The following CDH16 variants were observed in gnomAD, a reference collection of about 807,000 sequenced individuals.
CDH16 encodes the protein cadherin 16.
CDH16 carries 79 observed loss-of-function variants against 87.6 expected under a neutral mutation model. The observed-to-expected ratio is 0.90, with a 90% confidence interval of 0.75 to 1.09. The LOEUF (loss-of-function observed/expected upper bound fraction) is 1.09. CDH16 is among the 50% of genes least tolerant of loss of function. The pLI is 0.00. For synonymous variants in CDH16, 457 were observed against 439.5 expected, an observed-to-expected ratio of 1.04 and a Z score of -0.50; for missense variants, 1,124 against 1,071.7, an observed-to-expected ratio of 1.05 and a Z score of -0.68.
rs1369548186 is a variant in CDH16, at chr16:66,909,552, T to A, written c.2276-169A>T. Among the ~76,000 whole-genome samples the A allele has an allele frequency of 6.6e-6, 1 of 152,160 alleles. No homozygotes were observed. Among genetic ancestry groups the A allele is most frequent in the Non-Finnish European group, 1.5e-5 (1 of 68,024 alleles). On this transcript the variant is annotated intron_variant, in intron 16 of 17. Transcript: ENST00000299752. The surrounding 1 kb of genome is among the most constrained non-coding windows in gnomAD (Gnocchi z 4.1). ...CAGGCGTGGTGGCTCACACCTGTAA[T>A]CCCAGCCCTTTGGGAGGCCGAAATG...
At chr16:66,913,916 G>A (rs904167936) in intron 7 of CDH16, among the ~76,000 whole-genome samples, 8 of 152,194 alleles carry the variant, frequency 5.3e-5, no homozygotes, top group Non-Finnish European at 1.0e-4. Flanking sequence ...TTCCTGGCCC[G>A]GGGTGACAAT....
At position 66,914,421 on chromosome 16, in the gene CDH16, G is replaced by A. The variant is rs72794251; in HGVS notation, c.584-9C>T. 8,081 of 1,606,216 alleles carry A rather than the reference G, an allele frequency of 5.0e-3. 36 individuals are homozygous for A. The highest frequency in any genetic ancestry group is 7.6e-3 in the Middle Eastern group (45 of 5,904). On this transcript the variant is annotated splice_polypyrimidine_tract_variant and intron_variant, in intron 6 of 17. Transcript: ENST00000299752. ...GTCAAGGCTGGTGCTCCCTAGAACA[G>A]GGAGGATGGTCAGCTGAGCAGGCAG...
intron 11 of CDH16, 26 bp from the exon 12 acceptor site, chr16:66,912,456 C>A: frequency 6.2e-7 from 1 of 1,613,800 alleles, no homozygotes; most frequent in Non-Finnish European, 8.5e-7. Flanking sequence ...GGATGGTGAG[C>A]CCCCCACCAG....
Position 66,911,207 on chromosome 16 carries a change from C to CA in CDH16, c.1898_1899insT (p.Val634GlyfsTer10), listed in dbSNP as rs745557002. On this transcript the variant is annotated frameshift_variant, in exon 14 of 18. Coordinates refer to ENST00000299752, the MANE Select transcript of CDH16 (RefSeq NM_004062.4). LOFTEE classifies it high-confidence loss of function. ...CTGTATCCTGGGCCTCCACAAGCAC[C>CA]GTGTAGGTGTCCCCAGGCTGGGCGC... 5.0e-6 allele frequency: 8 copies of CA among 1,613,326 alleles called. No homozygotes were observed. The South Asian group carries it at 8.8e-5, about 18-fold the overall frequency.
rs778399215 is a variant in CDH16, at chr16:66,910,272, G to A, written c.2155C>T (p.Gln719Ter). The change falls in exon 15 of 18, where the codon CAG becomes TAG. Residue 719 changes from glutamine (Q) to a stop codon, truncating the protein, a stop_gained. Transcript: ENST00000299752. LOFTEE classifies it high-confidence loss of function. ...CCCCACCACACACCATTGAGAGTCT[G>A]GAGGCGCCAATCCCGTTGCACCGTG... ...NPTVQRDWRL[Q>*]TLNGSHAYLT... The A allele has an allele frequency of 1.9e-6, 3 of 1,602,744 alleles. No homozygotes were observed. Among genetic ancestry groups the A allele is most frequent in the Admixed American group, 1.7e-5 (1 of 58,828 alleles).
intron 17 of CDH16, 67 bp from the exon 18 acceptor site, chr16:66,908,556 C>T: frequency 8.2e-7 from 1 of 1,221,828 alleles, no homozygotes; most frequent in South Asian, 1.2e-5. Context: ...TCACGAGGGA[C>T]TTCCTGTGAT....
intron 17 of CDH16, 26 bp from the exon 18 acceptor site, chr16:66,908,515 A>C (rs937542646): frequency 6.4e-7 from 1 of 1,551,196 alleles, no homozygotes; most frequent in Non-Finnish European, 8.9e-7. Flanking sequence ...GGGATGTATC[A>C]GGCCTCAGAA....
At chr16:66,918,352 T>A (rs1962781835) in intron 1 of CDH16, among the ~76,000 whole-genome samples, 1 of 152,096 alleles carries the variant, frequency 6.6e-6, no homozygotes, top group Non-Finnish European at 1.5e-5. Context: ...CACCATAGCC[T>A]CCCCAGGCCG....
intron 1 of CDH16, among the ~76,000 whole-genome samples, chr16:66,918,435 C>T (rs547460181): frequency 2.6e-5 from 4 of 152,382 alleles, no homozygotes; most frequent in Middle Eastern, 3.4e-3. Context: ...TTCCTGAAGA[C>T]TTGGAGGGTC....
chr16:66,908,345 CAGAT>C lies in CDH16; in HGVS notation c.*43_*46del, dbSNP rs766727414. 1 of 1,492,776 alleles carries C rather than the reference CAGAT, an allele frequency of 6.7e-7. No homozygotes were observed. The allele number at this position is 1,492,776 out of a possible 1,614,324, so 92.5% of individuals were successfully genotyped here. On this transcript the variant is annotated 3_prime_UTR_variant, in exon 18 of 18. Coordinates refer to ENST00000299752, the MANE Select transcript of CDH16 (RefSeq NM_004062.4). ...GTGCTGGGCTCTCTCCCAGGGGACTCAGATGGAGCCAGAGGCCAAGCTCCCAGCT... is the reference window on the plus strand; with the variant it reads ...GTGCTGGGCTCTCTCCCAGGGGACTCGGAGCCAGAGGCCAAGCTCCCAGCT...
At chr16:66,912,991 C>CATGT in intron 9 of CDH16, 100 bp from the exon 10 acceptor site, 1 of 1,113,034 alleles carries the variant, frequency 9.0e-7, no homozygotes, top group East Asian at 2.4e-5. Flanking sequence ...AATTTGAGCT[C>CATGT]GTGTGTGTGT....
At position 66,908,284 on chromosome 16, in the gene CDH16, G is replaced by A; in HGVS notation, c.*108C>T. Reference sequence around the variant, plus strand: ...GCCTCCACCCCAGGGCAGATGGAGGGGCTTCTACTCTGTCCTGTCCCCTGC... The same window carrying A: ...GCCTCCACCCCAGGGCAGATGGAGGAGCTTCTACTCTGTCCTGTCCCCTGC... On this transcript the variant is annotated 3_prime_UTR_variant, in exon 18 of 18. Transcript: ENST00000299752. The A allele has an allele frequency of 1.2e-6, 1 of 856,232 alleles. No individual in the cohort carries two copies. Among genetic ancestry groups the A allele is most frequent in the South Asian group, 1.5e-5 (1 of 68,368 alleles). The allele number at this position is 856,232 out of a possible 1,614,324, so 53.0% of individuals were successfully genotyped here.
At chr16:66,913,418 G>A in intron 8 of CDH16, 73 bp downstream of exon 8, 1 of 1,604,158 alleles carries the variant, frequency 6.2e-7, no homozygotes, top group Non-Finnish European at 8.5e-7. Context: ...TTGTAGTTGT[G>A]ACACCCCCAA....
chr16:66,913,647 C>A, intron 7 of CDH16, 34 bp from the exon 8 acceptor site: 1 of 1,610,316 alleles, frequency 6.2e-7, no homozygotes, highest in Non-Finnish European at 8.5e-7. Context: ...GGGGCAGGAA[C>A]AATCCATGTC....
In CDH16 at chr16:66,910,315, G is replaced by A. The variant is rs753708492; in HGVS notation, c.2112C>T (p.Phe704=). ...GCACCGTGGGGTTGGGACCAAGGGT[G>A]AAGCTGTAGGGACCGTGCCCACTGG... ...DLASGHGPYS[F]TLGPNPTVQR... Residue 704 remains phenylalanine, a synonymous_variant, in exon 15 of 18, where the codon TTC becomes TTT. Coordinates refer to ENST00000299752, the MANE Select transcript of CDH16 (RefSeq NM_004062.4). The A allele has an allele frequency of 1.2e-5, 20 of 1,613,448 alleles. No individual in the cohort carries two copies. The highest frequency in any genetic ancestry group is 1.7e-5 in the Non-Finnish European group (20 of 1,179,734).
At position 66,909,460 on chromosome 16, in the gene CDH16, C is replaced by A; in HGVS notation, c.2276-77G>T. On this transcript the variant is annotated intron_variant, in intron 16 of 17. Coordinates refer to ENST00000299752, the MANE Select transcript of CDH16 (RefSeq NM_004062.4). The surrounding 1 kb of genome is among the most constrained non-coding windows in gnomAD (Gnocchi z 4.1). ...TGCTCAGAGCCCCCAGCCCAGCCAC[C>A]TGGCTGATATGTGTGTGTTTCTGCA... 1.0e-6 allele frequency: 1 copy of A among 964,994 alleles called. No individual in the cohort carries two copies. The highest frequency in any genetic ancestry group is 1.6e-6 in the Non-Finnish European group (1 of 622,288). 59.8% of individuals were successfully genotyped at this position (964,994 alleles called of 1,614,324 possible).
rs193072096 is a variant in CDH16, at chr16:66,909,130, C to A, written c.2392+137G>T. ...ACAATGACTATGATCAAAGGGCAGG[C>A]GCATAATGACTAGGAGAGTTGGGGG... On this transcript the variant is annotated intron_variant, in intron 17 of 17. Coordinates refer to ENST00000299752, the MANE Select transcript of CDH16 (RefSeq NM_004062.4). The surrounding 1 kb of genome is among the most constrained non-coding windows in gnomAD (Gnocchi z 4.1). 5.7e-4 allele frequency: 392 copies of A among 689,058 alleles called. 10 individuals are homozygous for A. The Admixed American group carries it at 7.8e-3, about 14-fold the overall frequency. The allele number at this position is 689,058 out of a possible 1,614,324, so 42.7% of individuals were successfully genotyped here.
chr16:66,912,584 G>A lies in CDH16; in HGVS notation c.1283-4C>T, dbSNP rs1429486178. 2.5e-6 allele frequency: 4 copies of A among 1,614,194 alleles called. No homozygotes were observed. The highest frequency in any genetic ancestry group is 3.4e-6 in the Non-Finnish European group (4 of 1,180,026). The stretch of plus-strand genomic sequence containing the variant: ...ACTTCACACGTGCTGCTGAAGCCTA[G>A]GGCAGAGGTGGACGTGTTGGTGAGG... On this transcript the variant is annotated splice_polypyrimidine_tract_variant and splice_region_variant and intron_variant, in intron 10 of 17. Transcript: ENST00000299752.
rs1962302265 is a variant in CDH16 at position 66,909,339 on chromosome 16, C to T, written c.2320G>A (p.Val774Met). 6.2e-7 allele frequency: 1 copy of T among 1,613,588 alleles called. No homozygotes were observed. The highest frequency in any genetic ancestry group is 8.5e-7 in the Non-Finnish European group (1 of 1,179,964). Reference protein sequence around the residue: ...CNVEGQCMRKVGRMKGMPTKL... With the variant: ...CNVEGQCMRKMGRMKGMPTKL... ...GTGGGCATGCCCTTCATGCGGCCCA[C>T]CTTGCGCATGCACTGCCCCTCCACG... The change falls in exon 17 of 18, where the codon GTG becomes ATG. Residue 774 changes from valine (V) to methionine (M), a missense_variant. Val to Met is a conservative substitution (Grantham distance 21). Transcript: ENST00000299752. The surrounding 1 kb of genome is among the most constrained non-coding windows in gnomAD (Gnocchi z 4.1).
Sources: gnomAD v4.1 joint callset for allele counts (sites outside exome capture counted in the v4.1 genomes callset) on GRCh38, gnomAD v4.1.1 for gene constraint, Gnocchi (gnomAD v3.1) non-coding constraint, MANE v1.5 for transcripts, NCBI Gene and HGNC (gene_info 2026-07-23, HGNC 2026-07-21) for gene names.